Variants in LIPG observed in about 807,000 individuals in gnomAD.
The protein encoded by LIPG is endothelial lipase.
In LIPG, 34 loss-of-function variants were observed where a neutral mutation model predicts 51.8. That is an observed-to-expected ratio of 0.66 (90% CI 0.50 to 0.87). LIPG has a LOEUF of 0.87. Ranked by LOEUF, LIPG falls within the 40% of genes least tolerant of loss-of-function variation. The pLI is 0.00. For synonymous variants in LIPG, 246 were observed against 246.1 expected (o/e 1.00, Z 0.00); for missense variants, 580 against 652.7 (o/e 0.89, Z 1.21).
chr18:49,583,036 G>A (rs1295575292), intron 7 of LIPG, among the ~76,000 whole-genome samples: 1 of 152,192 alleles, frequency 6.6e-6, no homozygotes, highest in African/African-American at 2.4e-5. Context: ...GGTAGGGCAA[G>A]GCAGATGAGG....
intron 5 of LIPG, among the ~76,000 whole-genome samples, chr18:49,576,993 T>A (rs2084726102): frequency 6.6e-6 from 1 of 152,186 alleles, no homozygotes; most frequent in Admixed American, 6.5e-5. Context: ...ATAGCATGGA[T>A]ACACTCTATT....
chr18:49,590,309 C>T (rs2084927893), intron 9 of LIPG, 192 bp from the exon 10 acceptor site: 2 of 688,416 alleles, frequency 2.9e-6, no homozygotes, highest in Non-Finnish European at 2.6e-6. Context: ...GCATCTATGG[C>T]TTGTCAGGTT....
intron 8 of LIPG, among the ~76,000 whole-genome samples, chr18:49,586,328 T>C (rs1363810640): frequency 6.6e-6 from 1 of 152,214 alleles, no homozygotes; most frequent in African/African-American, 2.4e-5. Flanking sequence ...AAATAAAACA[T>C]TTTTTAAAAC....
intron 8 of LIPG, 105 bp from the exon 9 acceptor site, chr18:49,586,641 G>A (rs2084882929): frequency 1.2e-6 from 1 of 812,064 alleles, no homozygotes; most frequent in Admixed American, 1.9e-5. Context: ...GGCATGGCAT[G>A]AAAATTTCAC....
chr18:49,584,075 G>A (rs2084856728), intron 8 of LIPG, among the ~76,000 whole-genome samples: 1 of 152,164 alleles, frequency 6.6e-6, no homozygotes, highest in African/African-American at 2.4e-5. Flanking sequence ...GACTTCTCCT[G>A]GACTGGGCTT....
rs1336405767 is a variant in LIPG, at chr18:49,581,596, A to G, written c.975A>G (p.Lys325=). 1.9e-6 allele frequency: 3 copies of G among 1,614,184 alleles called. No homozygotes were observed. Among genetic ancestry groups the G allele is most frequent in the Non-Finnish European group, 2.5e-6 (3 of 1,180,034 alleles). ...RCNSIGYNAK[K]MRNKRNSKMY... Reference sequence around the variant, plus strand: ...ATAGCATTGGCTACAATGCCAAGAAAATGAGGAACAAGAGGAACAGCAAAA... The same window carrying G: ...ATAGCATTGGCTACAATGCCAAGAAGATGAGGAACAAGAGGAACAGCAAAA... Residue 325 remains lysine, a synonymous_variant, in exon 6 of 10, where the codon AAA becomes AAG. Coordinates refer to ENST00000261292, the MANE Select transcript of LIPG (RefSeq NM_006033.4).
intron 9 of LIPG, chr18:49,590,005 C>T (rs866357232): frequency 4.6e-6 from 1 of 216,208 alleles, no homozygotes; most frequent in African/African-American, 2.3e-5. Context: ...GATAAGGAGC[C>T]TGAGATTCAG....
chr18:49,586,647 T>G, intron 8 of LIPG, 99 bp from the exon 9 acceptor site: 3 of 844,360 alleles, frequency 3.6e-6, no homozygotes, highest in Non-Finnish European at 6.1e-6. Flanking sequence ...GCATGAAAAT[T>G]TCACCCCTGC....
chr18:49,569,882 T>G (rs1383701974), intron 4 of LIPG, among the ~76,000 whole-genome samples: 1 of 152,046 alleles, frequency 6.6e-6, no homozygotes, highest in Non-Finnish European at 1.5e-5. Flanking sequence ...GAACACAGTT[T>G]GAAAACCATA....
At chr18:49,576,759 C>G (rs1011536947) in intron 5 of LIPG, among the ~76,000 whole-genome samples, 1 of 152,056 alleles carries the variant, frequency 6.6e-6, no homozygotes, top group Admixed American at 6.6e-5. Context: ...GTGTGAGCCA[C>G]TGCACCCAGC....
intron 4 of LIPG, among the ~76,000 whole-genome samples, chr18:49,574,259 C>G (rs533433812): frequency 6.6e-6 from 1 of 152,104 alleles, no homozygotes; most frequent in Non-Finnish European, 1.5e-5. Flanking sequence ...TAAGATCTCA[C>G]GTGGACTTTG....
chr18:49,583,556 A>G lies in LIPG; in HGVS notation c.1158A>G (p.Ile386Met), dbSNP rs2084847272. The change falls in exon 8 of 10, where the codon ATA becomes ATG. Residue 386 changes from isoleucine to methionine, a missense_variant and splice_region_variant. By Grantham distance (10) the Ile-to-Met change is conservative. Transcript: ENST00000261292. ...NADSQTLPLE[I>M]VERIEQNATN... The stretch of plus-strand genomic sequence containing the variant: ...AGATCAGCTTCTCTCCCACTTGTAG[A>G]GTGGAGCGGATCGAGCAGAATGCCA... 6.2e-7 allele frequency: 1 copy of G among 1,613,892 alleles called. No homozygotes were observed. Among genetic ancestry groups the G allele is most frequent in the African/African-American group, 1.3e-5 (1 of 75,012 alleles).
rs996642511 is a variant in LIPG, at chr18:49,596,701, T to G, written c.*6179T>G. The G allele has an allele frequency of 2.0e-5, 3 of 152,018 alleles. No homozygotes were observed. The highest frequency in any genetic ancestry group is 2.9e-5 in the Non-Finnish European group (2 of 68,038). 9.4% of individuals were successfully genotyped at this position (152,018 alleles called of 1,614,324 possible). A position where few individuals can be genotyped will look rare whatever the true frequency, so the allele number is the denominator to read the frequency against. ...TCCAGCAGGTGGACAATTACCCTTT[T>G]GTCAGCCGTTCCTCTGTTGCTGACC... On this transcript the variant is annotated 3_prime_UTR_variant, in exon 10 of 10. Transcript: ENST00000261292.
intron 9 of LIPG, among the ~76,000 whole-genome samples, chr18:49,587,285 A>G (rs2084891698): frequency 7.0e-6 from 1 of 143,354 alleles, no homozygotes; most frequent in East Asian, 2.2e-4. Context: ...AAAAAGAAAG[A>G]AAGGGCCAGG....
At chr18:49,581,306 C>A (rs2084816239) in intron 5 of LIPG, 109 bp from the exon 6 acceptor site, 2 of 1,445,326 alleles carry the variant, frequency 1.4e-6, no homozygotes, top group Non-Finnish European at 1.9e-6. Context: ...AAAATACTAA[C>A]AGCAACAATA....
rs528519252 is a variant in LIPG at position 49,592,002 on chromosome 18, C to T, written c.*1480C>T. 6.6e-6 allele frequency: 1 copy of T among 152,146 alleles called. No individual in the cohort carries two copies. Among genetic ancestry groups the T allele is most frequent in the South Asian group, 2.1e-4 (1 of 4,818 alleles). 9.4% of individuals were successfully genotyped at this position (152,146 alleles called of 1,614,324 possible). On this transcript the variant is annotated 3_prime_UTR_variant, in exon 10 of 10. Coordinates refer to ENST00000261292, the MANE Select transcript of LIPG (RefSeq NM_006033.4). ...ACTTTTTTTTTTATATAGAGCCATC[C>T]ATAAAATCCTAAGCCCTTTTATTAA...
chr18:49,583,481 C>A (rs2084846167), intron 7 of LIPG, 75 bp from the exon 8 acceptor site: 3 of 1,228,822 alleles, frequency 2.4e-6, no homozygotes, highest in Non-Finnish European at 3.6e-6. Context: ...TTGTTACTGC[C>A]ACTGTGTCAC....
At chr18:49,566,771 G>A (rs1445111450) in intron 2 of LIPG, among the ~76,000 whole-genome samples, 1 of 152,136 alleles carries the variant, frequency 6.6e-6, no homozygotes, top group Non-Finnish European at 1.5e-5. Flanking sequence ...ACCCTCCCTA[G>A]CTGCCTTTGA....
At chr18:49,579,770 TTTCTTTTCTTTTCTTTTC>T (rs1402075769) in intron 5 of LIPG, among the ~76,000 whole-genome samples, 2 of 47,298 alleles carry the variant, frequency 4.2e-5, no homozygotes, top group East Asian at 1.8e-3. Flanking sequence ...TTTCCTTTCT[TTTCTTTTCTTTTCTTTTC>T]TTTTCTTTTC....
Sources: gnomAD v4.1 joint callset for allele counts (sites outside exome capture counted in the v4.1 genomes callset) on GRCh38, gnomAD v4.1.1 for gene constraint, MANE v1.5 for transcripts, NCBI Gene and HGNC (gene_info 2026-07-23, HGNC 2026-07-21) for gene names.